The following CACNA2D1 variants were observed in gnomAD, a reference collection of about 807,000 sequenced individuals.
CACNA2D1 encodes the protein voltage-dependent calcium channel subunit alpha-2/delta-1.
Under a neutral mutation model 171.5 loss-of-function variants are expected in CACNA2D1, and 53 were observed. That is an observed-to-expected ratio of 0.31 (90% CI 0.25 to 0.39). CACNA2D1 has a LOEUF of 0.39. Ranked by LOEUF, CACNA2D1 falls within the 10% of genes least tolerant of loss-of-function variation. The pLI is 1.00. For missense variants in CACNA2D1, 903 were observed against 1,299.8 expected (o/e 0.69, Z 4.69); for synonymous variants, 442 against 443.1 (o/e 1.00, Z 0.03).
chr7:82,418,292 A>G (rs1452406414), intron 1 of CACNA2D1, among the ~76,000 whole-genome samples: 1 of 152,106 alleles, frequency 6.6e-6, no homozygotes, highest in Non-Finnish European at 1.5e-5. Context: ...CCCCCCTACC[A>G]CAACACATGG....
chr7:82,151,039 TAGTTA>T (rs1793803377), intron 4 of CACNA2D1, among the ~76,000 whole-genome samples: 2 of 152,162 alleles, frequency 1.3e-5, no homozygotes, highest in African/African-American at 4.8e-5. Flanking sequence ...AACCTGTCTT[TAGTTA>T]AAACATGCAT....
intron 4 of CACNA2D1, among the ~76,000 whole-genome samples, chr7:82,145,286 A>G (rs547694038): frequency 1.4e-4 from 20 of 145,730 alleles, no homozygotes; most frequent in African/African-American, 4.7e-4. Flanking sequence ...TAAAATAAAA[A>G]ATAAAAATAT....
intron 3 of CACNA2D1, among the ~76,000 whole-genome samples, chr7:82,200,690 C>G (rs1223758393): frequency 6.6e-6 from 1 of 151,524 alleles, no homozygotes; most frequent in African/African-American, 2.4e-5. Flanking sequence ...TGAACACACC[C>G]TATTTACAAG....
At chr7:82,343,981 A>T (rs993667857) in intron 2 of CACNA2D1, among the ~76,000 whole-genome samples, 1 of 152,228 alleles carries the variant, frequency 6.6e-6, no homozygotes, top group African/African-American at 2.4e-5. Flanking sequence ...GATATGTACC[A>T]ATGCTGATAC....
intron 1 of CACNA2D1, among the ~76,000 whole-genome samples, chr7:82,364,938 G>A (rs1337131368): frequency 6.6e-6 from 1 of 152,108 alleles, no homozygotes; most frequent in East Asian, 1.9e-4. Flanking sequence ...AGGGCATAAA[G>A]CTAGGAAACC....
At chr7:82,010,452 T>C (rs1352001182) in intron 15 of CACNA2D1, among the ~76,000 whole-genome samples, 1 of 151,964 alleles carries the variant, frequency 6.6e-6, no homozygotes, top group Admixed American at 6.6e-5. Flanking sequence ...CTAATGTCAT[T>C]TGTGCTATCA....
intron 4 of CACNA2D1, among the ~76,000 whole-genome samples, chr7:82,163,219 T>C (rs551353832): frequency 6.6e-6 from 1 of 152,104 alleles, no homozygotes; most frequent in Non-Finnish European, 1.5e-5. Flanking sequence ...TGAAGGGAGA[T>C]AGTACCTCTA....
At chr7:82,106,938 T>C (rs1052289095) in intron 6 of CACNA2D1, among the ~76,000 whole-genome samples, 1 of 152,188 alleles carries the variant, frequency 6.6e-6, no homozygotes. Flanking sequence ...CTGACATAGA[T>C]TCTTAAAAAC....
At chr7:82,408,208 A>C (rs1487116710) in intron 1 of CACNA2D1, among the ~76,000 whole-genome samples, 1 of 151,798 alleles carries the variant, frequency 6.6e-6, no homozygotes, top group Non-Finnish European at 1.5e-5. Flanking sequence ...TTTTTAGTAG[A>C]GGCGGGGTTT....
chr7:82,203,446 A>T (rs907850889), intron 3 of CACNA2D1, among the ~76,000 whole-genome samples: 22 of 152,264 alleles, frequency 1.4e-4, no homozygotes, highest in African/African-American at 4.3e-4. Flanking sequence ...GCTATAGCAT[A>T]GCCCCACCAT....
intron 5 of CACNA2D1, among the ~76,000 whole-genome samples, chr7:82,117,384 C>G (rs931536826): frequency 1.1e-4 from 16 of 152,180 alleles, no homozygotes; most frequent in African/African-American, 3.6e-4. Flanking sequence ...CACATTATAA[C>G]TAACCACTCT....
At chr7:81,990,455 T>C (rs997533204) in intron 21 of CACNA2D1, among the ~76,000 whole-genome samples, 1 of 152,020 alleles carries the variant, frequency 6.6e-6, no homozygotes, top group South Asian at 2.1e-4. Flanking sequence ...TTGAAATCTT[T>C]ATAGGAATGA....
At chr7:82,282,709 G>C (rs1481449433) in intron 3 of CACNA2D1, among the ~76,000 whole-genome samples, 1 of 149,458 alleles carries the variant, frequency 6.7e-6, no homozygotes, top group African/African-American at 2.5e-5. Context: ...AAATGTGGGG[G>C]GGGGAATCAC....
At chr7:82,189,776 T>C (rs1188400780) in intron 3 of CACNA2D1, among the ~76,000 whole-genome samples, 19 of 151,884 alleles carry the variant, frequency 1.3e-4, no homozygotes, top group Admixed American at 1.2e-3. Context: ...AAGAAAAATT[T>C]CAACTTTCAT....
intron 6 of CACNA2D1, among the ~76,000 whole-genome samples, chr7:82,116,401 T>C (rs1223183625): frequency 6.6e-6 from 1 of 152,186 alleles, no homozygotes; most frequent in African/African-American, 2.4e-5. Context: ...CTAAACACTT[T>C]TTTTACCCCA....
chr7:82,279,357 T>G (rs1809776204), intron 3 of CACNA2D1, among the ~76,000 whole-genome samples: 1 of 152,176 alleles, frequency 6.6e-6, no homozygotes. Flanking sequence ...TTACAAGTGG[T>G]ATAGCCCACT....
intron 3 of CACNA2D1, among the ~76,000 whole-genome samples, chr7:82,190,341 T>C (rs910770614): frequency 2.0e-5 from 3 of 151,788 alleles, no homozygotes; most frequent in African/African-American, 7.2e-5. Context: ...GTATTAACTA[T>C]GAATAAATTG....
intron 9 of CACNA2D1, among the ~76,000 whole-genome samples, chr7:82,063,006 C>G (rs1047609599): frequency 6.6e-6 from 1 of 152,088 alleles, no homozygotes; most frequent in South Asian, 2.1e-4. Flanking sequence ...CTTAGCCTCC[C>G]AAGTGATGGG....
chr7:82,060,829 G>A (rs1434136587), intron 9 of CACNA2D1, among the ~76,000 whole-genome samples: 1 of 151,916 alleles, frequency 6.6e-6, no homozygotes, highest in Non-Finnish European at 1.5e-5. Context: ...CACTCATTCG[G>A]TTCTGTTAGC....
Sources: gnomAD v4.1 joint callset for allele counts (sites outside exome capture counted in the v4.1 genomes callset) on GRCh38, gnomAD v4.1.1 for gene constraint, MANE v1.5 for transcripts, NCBI Gene and HGNC (gene_info 2026-07-23, HGNC 2026-07-21) for gene names.